L3MBTL4: variants seen among roughly 807,000 people sequenced by gnomAD.
L3MBTL4 encodes L3MBTL histone methyl-lysine binding protein 4, also known as lethal(3)malignant brain tumor-like protein 4.
L3MBTL4 carries 70 observed loss-of-function variants against 84.5 expected under a neutral mutation model. The observed-to-expected ratio is 0.83, with a 90% CI of 0.68 to 1.01. The LOEUF (loss-of-function observed/expected upper bound fraction) is 1.01, where lower values mean the gene tolerates loss of function less well. L3MBTL4 is among the 50% of genes least tolerant of loss of function. The pLI is 0.00. For synonymous variants in L3MBTL4, 274 were observed against 259.8 expected, an observed-to-expected ratio of 1.05 and a Z score of -0.52; for missense variants, 715 against 754.8, an observed-to-expected ratio of 0.95 and a Z score of 0.62.
chr18:5,982,464 A>C (rs2053276091), intron 16 of L3MBTL4, among the ~76,000 whole-genome samples: 1 of 152,220 alleles, frequency 6.6e-6, no homozygotes, highest in Non-Finnish European at 1.5e-5. Context: ...GGTCTCTGTC[A>C]CATGAAATTC....
chr18:6,034,061 T>C (rs773470441), intron 16 of L3MBTL4, among the ~76,000 whole-genome samples: 1 of 152,200 alleles, frequency 6.6e-6, no homozygotes, highest in Non-Finnish European at 1.5e-5. Flanking sequence ...AGGACTTCTT[T>C]GAGCATTTCT....
intron 7 of L3MBTL4, among the ~76,000 whole-genome samples, chr18:6,242,689 G>C (rs2047501750): frequency 6.6e-6 from 1 of 152,216 alleles, no homozygotes; most frequent in South Asian, 2.1e-4. Flanking sequence ...ACAATGTACA[G>C]AAGTTTGCTG....
intron 1 of L3MBTL4, among the ~76,000 whole-genome samples, chr18:6,333,370 C>T (rs1011458403): frequency 1.6e-4 from 25 of 151,954 alleles, no homozygotes; most frequent in Admixed American, 1.4e-3. Context: ...GTCAAGAGAT[C>T]GAGACCATCC....
At chr18:5,989,513 G>A (rs115553740) in intron 16 of L3MBTL4, among the ~76,000 whole-genome samples, 2 of 152,140 alleles carry the variant, frequency 1.3e-5, no homozygotes, top group Non-Finnish European at 2.9e-5. Context: ...GCTAAATGAA[G>A]GACAGTTTAA....
At chr18:6,107,455 G>A (rs1353709588) in intron 14 of L3MBTL4, among the ~76,000 whole-genome samples, 1 of 152,166 alleles carries the variant, frequency 6.6e-6, no homozygotes, top group Non-Finnish European at 1.5e-5. Context: ...CCTGAGGGAT[G>A]GGGACAGGAC....
chr18:6,353,540 A>G (rs1469009697), intron 1 of L3MBTL4, among the ~76,000 whole-genome samples: 2 of 152,168 alleles, frequency 1.3e-5, no homozygotes, highest in Non-Finnish European at 2.9e-5. Flanking sequence ...ATATTTGGAA[A>G]AACCTAAAGA....
chr18:6,322,390 T>TGAAAG (rs556362554), intron 1 of L3MBTL4, among the ~76,000 whole-genome samples: 33 of 99,742 alleles, frequency 3.3e-4, no homozygotes, highest in African/African-American at 9.7e-4. Flanking sequence ...AGAAAGAAAA[T>TGAAAG]GAAAGGAAAG....
intron 13 of L3MBTL4, among the ~76,000 whole-genome samples, chr18:6,155,707 T>C (rs566605578): frequency 2.2e-4 from 34 of 152,212 alleles, no homozygotes; most frequent in Non-Finnish European, 4.4e-4. Flanking sequence ...TTCTTAAATA[T>C]GATGAAAAAT....
intron 15 of L3MBTL4, among the ~76,000 whole-genome samples, chr18:6,091,835 AC>A (rs1436113489): frequency 6.6e-6 from 1 of 152,254 alleles, no homozygotes; most frequent in Non-Finnish European, 1.5e-5. Flanking sequence ...TTGAAAAAAT[AC>A]AACAGATTAT....
chr18:6,339,848 T>A (rs1224346734), intron 1 of L3MBTL4, among the ~76,000 whole-genome samples: 1 of 152,118 alleles, frequency 6.6e-6, no homozygotes, highest in Non-Finnish European at 1.5e-5. Context: ...AGAATAAAAT[T>A]TCTTAAAAAT....
intron 16 of L3MBTL4, among the ~76,000 whole-genome samples, chr18:6,041,038 C>T (rs1003792953): frequency 8.5e-5 from 13 of 152,222 alleles, no homozygotes; most frequent in African/African-American, 2.7e-4. Flanking sequence ...GTGGCTGACA[C>T]TTTTGACAGA....
intron 3 of L3MBTL4, among the ~76,000 whole-genome samples, chr18:6,310,657 G>A (rs2050785154): frequency 6.6e-6 from 1 of 152,040 alleles, no homozygotes; most frequent in African/African-American, 2.4e-5. Flanking sequence ...ACCAATGAAG[G>A]GTCACAGATG....
chr18:6,148,584 C>T (rs1019501762), intron 13 of L3MBTL4, among the ~76,000 whole-genome samples: 1 of 152,028 alleles, frequency 6.6e-6, no homozygotes, highest in African/African-American at 2.4e-5. Context: ...CACCACCATG[C>T]CCAGCTAATT....
chr18:6,173,824 A>C lies in L3MBTL4; in HGVS notation c.982-1882T>G, dbSNP rs374892822. Reference sequence around the variant, plus strand: ...AAGTCCATGGGAGGTTATTCACAAGACCTTGACCAAGGGCTGGACTGCCCA... The same window carrying C: ...AAGTCCATGGGAGGTTATTCACAAGCCCTTGACCAAGGGCTGGACTGCCCA... On this transcript the variant is annotated intron_variant, in intron 12 of 18. Coordinates refer to ENST00000317931, the MANE Select transcript of L3MBTL4 (RefSeq NM_001330559.2). Among the ~76,000 whole-genome samples the C allele has an allele frequency of 2.6e-5, 4 of 152,204 alleles. No individual in the cohort carries two copies. The East Asian group carries it at 7.7e-4, about 29-fold the overall frequency.
intron 16 of L3MBTL4, among the ~76,000 whole-genome samples, chr18:6,075,266 G>C (rs1568073515): frequency 6.6e-6 from 1 of 152,118 alleles, no homozygotes; most frequent in Non-Finnish European, 1.5e-5. Context: ...GGCATTCTTA[G>C]CTATCAGAAT....
At chr18:6,201,605 A>T (rs927775909) in intron 12 of L3MBTL4, among the ~76,000 whole-genome samples, 3 of 152,208 alleles carry the variant, frequency 2.0e-5, no homozygotes, top group African/African-American at 7.2e-5. Flanking sequence ...TCAGGCAATT[A>T]TGTGAGAATA....
chr18:6,298,504 A>G (rs1247487986), intron 4 of L3MBTL4, among the ~76,000 whole-genome samples: 1 of 152,168 alleles, frequency 6.6e-6, no homozygotes, highest in African/African-American at 2.4e-5. Flanking sequence ...ACTTTAATGT[A>G]GAGAGTTTAA....
chr18:6,090,176 G>T (rs1162283405), intron 15 of L3MBTL4, among the ~76,000 whole-genome samples: 1 of 152,082 alleles, frequency 6.6e-6, no homozygotes, highest in East Asian at 1.9e-4. Flanking sequence ...AGTAAATGGT[G>T]ACTTACTGTG....
chr18:5,968,769 G>A (rs560785045), intron 17 of L3MBTL4, among the ~76,000 whole-genome samples: 2 of 151,818 alleles, frequency 1.3e-5, no homozygotes, highest in East Asian at 3.9e-4. Flanking sequence ...ATATTGTAAG[G>A]CATGTTTATA....
Sources: allele counts gnomAD v4.1 joint callset (sites outside exome capture counted in the v4.1 genomes callset), GRCh38; gene constraint gnomAD v4.1.1; transcripts MANE v1.5; gene names NCBI Gene and HGNC (gene_info 2026-07-23, HGNC 2026-07-21).